Variants in CLOCK observed in about 807,000 individuals in gnomAD.
CLOCK encodes the protein circadian locomoter output cycles protein kaput.
In CLOCK, 43 loss-of-function variants were observed where a neutral mutation model predicts 118.4. The observed-to-expected ratio is 0.36, with a 90% CI of 0.28 to 0.47. The LOEUF is 0.47. Among genes scored for constraint, CLOCK ranks in the 20% least tolerant of loss-of-function variants. CLOCK has a pLI of 1.00. For missense variants in CLOCK, 846 were observed against 999.9 expected, an observed-to-expected ratio of 0.85 and a Z score of 2.08; for synonymous variants, 326 against 339.2, an observed-to-expected ratio of 0.96 and a Z score of 0.43.
At chr4:55,513,756 A>G (rs1729310014) in intron 1 of CLOCK, among the ~76,000 whole-genome samples, 1 of 152,094 alleles carries the variant, frequency 6.6e-6, no homozygotes, top group Non-Finnish European at 1.5e-5. Context: ...CACCTTGTTA[A>G]TATAGTCTTC....
intron 16 of CLOCK, 97 bp downstream of exon 16, chr4:55,449,994 A>G (rs1724276294): frequency 2.8e-6 from 4 of 1,422,758 alleles, no homozygotes; most frequent in Middle Eastern, 2.0e-4. Context: ...AAAACTTATA[A>G]TTTTAAAGAA....
intron 11 of CLOCK, among the ~76,000 whole-genome samples, chr4:55,458,383 G>T (rs1323825836): frequency 6.6e-6 from 1 of 152,036 alleles, no homozygotes; most frequent in African/African-American, 2.4e-5. Flanking sequence ...TTAAATCTTA[G>T]CCTGGCTGCC....
chr4:55,431,615 T>G lies in CLOCK; in HGVS notation c.*3800A>C, dbSNP rs936517245. The G allele has an allele frequency of 6.6e-6, 1 of 152,232 alleles. No homozygotes were observed. Among genetic ancestry groups the G allele is most frequent in the Non-Finnish European group, 1.5e-5 (1 of 68,032 alleles). The allele number at this position is 152,232 out of a possible 1,614,324, so 9.4% of individuals were successfully genotyped here. A position where few individuals can be genotyped will look rare whatever the true frequency, so the allele number is the denominator to read the frequency against. On this transcript the variant is annotated 3_prime_UTR_variant, in exon 23 of 23. Transcript: ENST00000513440. ...TACCCCCTTCCAACAGGGACTCCTG[T>G]GGGACTAAGGGCCACAGGTAATTGG...
intron 3 of CLOCK, among the ~76,000 whole-genome samples, chr4:55,485,873 T>C (rs1427450744): frequency 1.3e-5 from 2 of 152,066 alleles, no homozygotes; most frequent in African/African-American, 2.4e-5. Flanking sequence ...TAAATATATA[T>C]ACTAGGTACC....
chr4:55,546,350 A>G (rs1312054050), intron 1 of CLOCK: 1 of 152,376 alleles, frequency 6.6e-6, no homozygotes, highest in East Asian at 1.9e-4. Flanking sequence ...CTCGGCCCGA[A>G]GTCCCGGGAA....
intron 7 of CLOCK, among the ~76,000 whole-genome samples, chr4:55,475,739 T>C (rs936021599): frequency 3.9e-5 from 6 of 152,206 alleles, no homozygotes; most frequent in Non-Finnish European, 8.8e-5. Context: ...AAAGTATTTT[T>C]AAATTTAGGT....
At chr4:55,539,148 T>A (rs1295335334) in intron 1 of CLOCK, among the ~76,000 whole-genome samples, 1 of 152,048 alleles carries the variant, frequency 6.6e-6, no homozygotes, top group Admixed American at 6.6e-5. Flanking sequence ...GGCATGAGAA[T>A]CATTTGAACC....
intron 18 of CLOCK, among the ~76,000 whole-genome samples, 176 bp downstream of exon 18, chr4:55,448,597 CGCGCGT>C (rs1480423648): frequency 2.7e-4 from 20 of 72,920 alleles, no homozygotes; most frequent in African/African-American, 1.0e-3. Flanking sequence ...CGCGCGCACG[CGCGCGT>C]GTGTGTGTGT....
At chr4:55,471,695 G>C (rs1401780971) in intron 7 of CLOCK, among the ~76,000 whole-genome samples, 1 of 152,050 alleles carries the variant, frequency 6.6e-6, no homozygotes, top group Non-Finnish European at 1.5e-5. Flanking sequence ...AGAAGTGACA[G>C]CTGAAGAAAT....
intron 1 of CLOCK, among the ~76,000 whole-genome samples, chr4:55,535,626 T>G (rs1730840335): frequency 6.6e-6 from 1 of 152,146 alleles, no homozygotes; most frequent in African/African-American, 2.4e-5. Context: ...GCCAATATTC[T>G]TGCTAAGAAC....
chr4:55,462,023 T>TA (rs1725376466), intron 9 of CLOCK, among the ~76,000 whole-genome samples: 1 of 152,222 alleles, frequency 6.6e-6, no homozygotes, highest in Admixed American at 6.5e-5. Context: ...AACTTGTGTT[T>TA]ATTCTTTTGG....
At chr4:55,518,566 GT>G (rs1192814365) in intron 1 of CLOCK, among the ~76,000 whole-genome samples, 2 of 152,132 alleles carry the variant, frequency 1.3e-5, no homozygotes, top group Non-Finnish European at 2.9e-5. Flanking sequence ...CAATGTGACA[GT>G]ATTAAGACAT....
intron 2 of CLOCK, among the ~76,000 whole-genome samples, chr4:55,491,688 C>T (rs562925237): frequency 6.6e-6 from 1 of 152,130 alleles, no homozygotes; most frequent in Non-Finnish European, 1.5e-5. Flanking sequence ...AAACTATAAA[C>T]AATCCAGATG....
intron 1 of CLOCK, among the ~76,000 whole-genome samples, chr4:55,523,663 TATACATCTCTAATACCTCTCCAG>T (rs1156411147): frequency 1.3e-5 from 2 of 152,202 alleles, no homozygotes; most frequent in Non-Finnish European, 2.9e-5. Context: ...CCAGGTTTCA[TATACATCTCTAATACCTCTCCAG>T]ATACATCTCC....
At chr4:55,451,247 A>T (rs1332131086) in intron 15 of CLOCK, among the ~76,000 whole-genome samples, 2 of 152,146 alleles carry the variant, frequency 1.3e-5, no homozygotes, top group African/African-American at 4.8e-5. Context: ...CAATGAATTA[A>T]ATGTTAAAGT....
chr4:55,524,044 G>A (rs970677268), intron 1 of CLOCK, among the ~76,000 whole-genome samples: 20 of 152,046 alleles, frequency 1.3e-4, no homozygotes, highest in African/African-American at 2.9e-4. Context: ...CATAAAAGAC[G>A]TAAGAACACA....
At chr4:55,539,034 A>T (rs539662156) in intron 1 of CLOCK, among the ~76,000 whole-genome samples, 2 of 152,140 alleles carry the variant, frequency 1.3e-5, no homozygotes, top group South Asian at 4.1e-4. Flanking sequence ...GAGTTTGGAG[A>T]CCTGCGTGGC....
intron 7 of CLOCK, among the ~76,000 whole-genome samples, chr4:55,475,261 G>A (rs1317312162): frequency 1.3e-5 from 2 of 152,204 alleles, no homozygotes; most frequent in Non-Finnish European, 2.9e-5. Flanking sequence ...ATTAAAAGTG[G>A]AGTCTGAAGA....
chr4:55,454,992 A>C (rs2109782269), intron 13 of CLOCK, among the ~76,000 whole-genome samples: 1 of 152,252 alleles, frequency 6.6e-6, no homozygotes, highest in South Asian at 2.1e-4. Flanking sequence ...CTTAATGCCC[A>C]CATCTTTTGT....
Sources: gnomAD v4.1 joint callset for allele counts (sites outside exome capture counted in the v4.1 genomes callset) on GRCh38, gnomAD v4.1.1 for gene constraint, MANE v1.5 for transcripts, NCBI Gene and HGNC (gene_info 2026-07-23, HGNC 2026-07-21) for gene names.